Variants in RNF169 observed in about 807,000 individuals in gnomAD.
The protein encoded by RNF169 is E3 ubiquitin-protein ligase RNF169.
In RNF169, 24 loss-of-function variants were observed where a neutral mutation model predicts 53.9. The ratio of observed to expected loss-of-function variants is 0.45; its 90% confidence interval spans 0.32 to 0.63. RNF169 has a LOEUF of 0.63. Among genes scored for constraint, RNF169 ranks in the 20% least tolerant of loss-of-function variants. The probability of loss-of-function intolerance (pLI) is 0.04; values close to 1 mark genes in which losing one functional copy is unlikely to be tolerated. For missense variants in RNF169, 883 were observed against 906.2 expected (o/e 0.97, Z 0.33); for synonymous variants, 396 against 363.5 (o/e 1.09, Z -1.02).
intron 4 of RNF169, among the ~76,000 whole-genome samples, chr11:74,823,244 G>A (rs368760245): frequency 1.4e-3 from 206 of 152,164 alleles, no homozygotes; most frequent in African/African-American, 4.8e-3. Context: ...CACCTTTCTT[G>A]CTTTATAATT....
intron 4 of RNF169, among the ~76,000 whole-genome samples, chr11:74,817,915 C>T (rs1396742316): frequency 6.6e-6 from 1 of 152,140 alleles, no homozygotes; most frequent in Non-Finnish European, 1.5e-5. Flanking sequence ...CACCCCTTTT[C>T]TGATATCCTC....
At chr11:74,784,839 T>C (rs2035465122) in intron 1 of RNF169, among the ~76,000 whole-genome samples, 2 of 152,300 alleles carry the variant, frequency 1.3e-5, no homozygotes, top group South Asian at 4.1e-4. Flanking sequence ...TTTTTAAGGA[T>C]AGACATCTTC....
intron 1 of RNF169, among the ~76,000 whole-genome samples, chr11:74,770,253 G>T (rs142913703): frequency 1.7e-4 from 26 of 152,366 alleles, no homozygotes; most frequent in Non-Finnish European, 3.7e-4. Context: ...CAGAACTTGA[G>T]AGTCTAAGCG....
intron 1 of RNF169, among the ~76,000 whole-genome samples, chr11:74,761,776 T>C (rs1225911271): frequency 6.0e-5 from 9 of 149,872 alleles, no homozygotes; most frequent in Admixed American, 2.7e-4. Context: ...CTGACAATTA[T>C]GTGTCTTGGA....
chr11:74,783,491 C>G (rs2035446722), intron 1 of RNF169, among the ~76,000 whole-genome samples: 2 of 152,112 alleles, frequency 1.3e-5, no homozygotes, highest in African/African-American at 4.8e-5. Flanking sequence ...TTTATGAATG[C>G]TAAGATATTC....
chr11:74,752,228 TAAAAA>T (rs11325931), intron 1 of RNF169, among the ~76,000 whole-genome samples: 13 of 78,740 alleles, frequency 1.7e-4, no homozygotes, highest in Admixed American at 5.4e-4. Context: ...GAGACTGTCT[TAAAAA>T]AAAAAAAAAA....
chr11:74,821,331 T>C (rs1191191470), intron 4 of RNF169, among the ~76,000 whole-genome samples: 1 of 152,192 alleles, frequency 6.6e-6, no homozygotes, highest in Admixed American at 6.5e-5. Context: ...GGAATAGAGC[T>C]ATGGAAACAA....
chr11:74,826,213 C>G (rs1380422527), intron 4 of RNF169, among the ~76,000 whole-genome samples: 1 of 152,168 alleles, frequency 6.6e-6, no homozygotes, highest in Non-Finnish European at 1.5e-5. Context: ...GTAATCCCAG[C>G]TACTCCAGAG....
At chr11:74,787,938 T>A (rs1004235597) in intron 1 of RNF169, among the ~76,000 whole-genome samples, 5 of 152,230 alleles carry the variant, frequency 3.3e-5, no homozygotes, top group Non-Finnish European at 7.3e-5. Context: ...TATAATTTTA[T>A]CTTCTCTCTT....
intron 1 of RNF169, among the ~76,000 whole-genome samples, chr11:74,764,499 A>G (rs1257200486): frequency 6.6e-6 from 1 of 152,234 alleles, no homozygotes; most frequent in Admixed American, 6.5e-5. Context: ...TTGGGCAACC[A>G]TGAGCAAAAC....
intron 1 of RNF169, among the ~76,000 whole-genome samples, chr11:74,758,658 C>T (rs1436214608): frequency 1.2e-4 from 19 of 152,062 alleles, no homozygotes; most frequent in African/African-American, 2.9e-4. Flanking sequence ...CCCGCCACTA[C>T]GCCCGGCTAA....
At chr11:74,779,282 GA>G (rs1335724073) in intron 1 of RNF169, among the ~76,000 whole-genome samples, 2 of 152,102 alleles carry the variant, frequency 1.3e-5, no homozygotes, top group Admixed American at 6.6e-5. Flanking sequence ...CTTTGCCAAA[GA>G]ATAGTTTAAA....
rs865860552 is a variant in RNF169, at chr11:74,778,867, C to T, written c.503-10759C>T. Among the ~76,000 whole-genome samples, 7 of 152,314 alleles carry T rather than the reference C, an allele frequency of 4.6e-5. No individual in the cohort carries two copies. In the South Asian group the frequency reaches 1.5e-3, roughly 32 times the overall value. ...GCTTGGAACACACATTCAGATGTGT[C>T]CACCATATCGGTTATTCTCAGGGTA... On this transcript the variant is annotated intron_variant, in intron 1 of 5. Transcript: ENST00000299563.
chr11:74,766,623 C>T (rs2035178465), intron 1 of RNF169, among the ~76,000 whole-genome samples: 1 of 151,980 alleles, frequency 6.6e-6, no homozygotes, highest in Non-Finnish European at 1.5e-5. Context: ...AAATTTGTTC[C>T]AGGAGATAGG....
chr11:74,762,469 C>T (rs928944351), intron 1 of RNF169, among the ~76,000 whole-genome samples: 4 of 152,158 alleles, frequency 2.6e-5, no homozygotes, highest in Non-Finnish European at 5.9e-5. Flanking sequence ...TGGTGATGTA[C>T]AGATGGGTTT....
chr11:74,772,479 T>G (rs1388178728), intron 1 of RNF169, among the ~76,000 whole-genome samples: 1 of 151,242 alleles, frequency 6.6e-6, no homozygotes, highest in Non-Finnish European at 1.5e-5. Context: ...CTGGTTTTTT[T>G]TTTTTTTTTT....
intron 1 of RNF169, among the ~76,000 whole-genome samples, chr11:74,766,468 G>A (rs2035176574): frequency 6.6e-6 from 1 of 152,130 alleles, no homozygotes. Context: ...AATGCCGGCT[G>A]GATATTTGTT....
At chr11:74,811,913 G>A (rs934021685) in intron 3 of RNF169, among the ~76,000 whole-genome samples, 3 of 152,156 alleles carry the variant, frequency 2.0e-5, no homozygotes, top group Non-Finnish European at 2.9e-5. Context: ...TGAAGACCGC[G>A]GCTCTCCCTC....
At chr11:74,787,781 G>T (rs1052595251) in intron 1 of RNF169, among the ~76,000 whole-genome samples, 2 of 152,134 alleles carry the variant, frequency 1.3e-5, no homozygotes, top group Non-Finnish European at 2.9e-5. Context: ...TGACCCAGGG[G>T]TTCTGATTCT....
Sources: allele counts gnomAD v4.1 joint callset (sites outside exome capture counted in the v4.1 genomes callset), GRCh38; gene constraint gnomAD v4.1.1; transcripts MANE v1.5; gene names NCBI Gene and HGNC (gene_info 2026-07-23, HGNC 2026-07-21).